E2F6: variants seen among roughly 807,000 people sequenced by gnomAD.
The protein encoded by E2F6 is E2F transcription factor 6.
Under a neutral mutation model 31.5 loss-of-function variants are expected in E2F6, and 19 were observed. The ratio of observed to expected loss-of-function variants is 0.60; its 90% confidence interval spans 0.42 to 0.89. The LOEUF (loss-of-function observed/expected upper bound fraction) is 0.89. Among genes scored for constraint, E2F6 ranks in the 40% least tolerant of loss-of-function variants. The pLI, the probability that E2F6 is intolerant of heterozygous loss-of-function variation, is 0.00. For synonymous variants in E2F6, 121 were observed against 127.7 expected (o/e 0.95, Z 0.36); for missense variants, 269 against 341.6 (o/e 0.79, Z 1.67).
intron 1 of E2F6, among the ~76,000 whole-genome samples, chr2:11,461,327 TAA>T (rs1671766289): frequency 6.6e-6 from 1 of 152,206 alleles, no homozygotes; most frequent in African/African-American, 2.4e-5. Flanking sequence ...TCTGTGAGGC[TAA>T]GAGAGTTCAA....
rs1355235081 is a variant in E2F6, at chr2:11,444,424, A to C, written c.*2053T>G. On this transcript the variant is annotated 3_prime_UTR_variant, in exon 7 of 7. Transcript: ENST00000381525. ...TTTATAACACACATCTGTAATTTAC[A>C]AAGGATTTTCGTTTACATGATCTCA... The C allele has an allele frequency of 6.6e-6, 1 of 152,216 alleles. No homozygotes were observed. Among genetic ancestry groups the C allele is most frequent in the Non-Finnish European group, 1.5e-5 (1 of 68,040 alleles). The allele number at this position is 152,216 out of a possible 1,614,324, so 9.4% of individuals were successfully genotyped here.
chr2:11,462,827 T>C (rs919964849), intron 1 of E2F6, among the ~76,000 whole-genome samples: 40 of 152,208 alleles, frequency 2.6e-4, no homozygotes, highest in African/African-American at 9.4e-4. Flanking sequence ...AGTTTAAAAC[T>C]AATGAATTAT....
intron 1 of E2F6, among the ~76,000 whole-genome samples, chr2:11,461,545 GTTTCACCACATTAGCCA>G (rs1671783654): frequency 6.6e-6 from 1 of 152,006 alleles, no homozygotes; most frequent in Admixed American, 6.6e-5. Flanking sequence ...TAGAAACGGG[GTTTCACCACATTAGCCA>G]GGCTGGTCTC....
chr2:11,456,553 T>A (rs569565273), intron 2 of E2F6, among the ~76,000 whole-genome samples: 1 of 152,306 alleles, frequency 6.6e-6, no homozygotes, highest in East Asian at 1.9e-4. Flanking sequence ...TTTTGAAAGG[T>A]CATTGTGACA....
At chr2:11,449,158 TA>T (rs1670905349) in intron 5 of E2F6, among the ~76,000 whole-genome samples, 1 of 152,214 alleles carries the variant, frequency 6.6e-6, no homozygotes, top group Admixed American at 6.5e-5. Context: ...GGCAGTTTCT[TA>T]AAAATAAAAC....
At chr2:11,464,459 G>A (rs1332224934) in intron 1 of E2F6, among the ~76,000 whole-genome samples, 1 of 146,350 alleles carries the variant, frequency 6.8e-6, no homozygotes, top group Non-Finnish European at 1.5e-5. Flanking sequence ...GGAGCTTGCA[G>A]TGAACCGAGA....
In E2F6 at chr2:11,447,696, T is replaced by C. The variant is rs554030188; in HGVS notation, c.730A>G (p.Ser244Gly). 1.9e-5 allele frequency: 31 copies of C among 1,612,018 alleles called. No homozygotes were observed. The highest frequency in any genetic ancestry group is 2.5e-5 in the Non-Finnish European group (29 of 1,179,954). Residue 244 changes from serine (S) to glycine (G), a missense_variant, in exon 6 of 7, where the codon AGT becomes GGT. Ser to Gly is a moderately conservative substitution (Grantham distance 56). Coordinates refer to ENST00000381525, the MANE Select transcript of E2F6 (RefSeq NM_198256.4). ...YLCEVEQGQT[S>G]NKRSEGVGTS... is the part of the protein sequence containing the mutation. ...CCGACACCTTCAGACCTTTTGTTAC[T>C]GGTCTGACCCTGCTCCACTTCACAC...
intron 1 of E2F6, among the ~76,000 whole-genome samples, chr2:11,459,546 C>A (rs1305931614): frequency 1.3e-5 from 2 of 152,038 alleles, no homozygotes; most frequent in Non-Finnish European, 2.9e-5. Flanking sequence ...ACAACAGTAC[C>A]ATTGCCCCTC....
At chr2:11,463,998 T>A (rs532047163) in intron 1 of E2F6, among the ~76,000 whole-genome samples, 1 of 124,102 alleles carries the variant, frequency 8.1e-6, no homozygotes, top group Admixed American at 9.2e-5. Context: ...CATGAAGGAA[T>A]GGGAAGAGGA....
chr2:11,448,448 C>A (rs192068870), intron 5 of E2F6, among the ~76,000 whole-genome samples: 3 of 152,282 alleles, frequency 2.0e-5, no homozygotes, highest in African/African-American at 7.2e-5. Flanking sequence ...CCCTTTAATG[C>A]AGTTAGGCCT....
At chr2:11,455,964 G>A (rs1456884724) in intron 2 of E2F6, among the ~76,000 whole-genome samples, 1 of 152,128 alleles carries the variant, frequency 6.6e-6, no homozygotes, top group East Asian at 1.9e-4. Context: ...CTGAAGTGAG[G>A]GAGAGGAAAC....
At position 11,455,451 on chromosome 2, in the gene E2F6, T is replaced by C. The variant is rs1370820392; in HGVS notation, c.164-1653A>G. ...GTACATATTTCATAATATAAATGTC[T>C]TCTCTCTGGAGCCCATTCCTACACT... On this transcript the variant is annotated intron_variant, in intron 2 of 6. Transcript: ENST00000381525. 3 of 1,295,832 alleles carry C rather than the reference T, an allele frequency of 2.3e-6. No homozygotes were observed. The South Asian group carries it at 3.8e-5, about 16-fold the overall frequency. 80.3% of individuals were successfully genotyped at this position (1,295,832 alleles called of 1,614,324 possible).
chr2:11,458,118 A>G (rs1448130788), intron 1 of E2F6, among the ~76,000 whole-genome samples: 1 of 152,230 alleles, frequency 6.6e-6, no homozygotes, highest in African/African-American at 2.4e-5. Context: ...AGAAACTCCT[A>G]GTAACATCAA....
Position 11,463,948 on chromosome 2 carries a change from CG to C in E2F6, c.108+1823del, listed in dbSNP as rs143314262. On this transcript the variant is annotated intron_variant, in intron 1 of 6. Transcript: ENST00000381525. ...AGGGTGACAGAGTGAGATCCTGCACCGGGGGGGGGGACAAAAACAAAAACAG... is the reference window on the plus strand; with the variant it reads ...AGGGTGACAGAGTGAGATCCTGCACCGGGGGGGGGACAAAAACAAAAACAG... Among the ~76,000 whole-genome samples the C allele has an allele frequency of 2.8e-3, 203 of 71,604 alleles. 23 individuals carry two copies. Among genetic ancestry groups the C allele is most frequent in the African/African-American group, 6.0e-3 (123 of 20,500 alleles). The allele number at this position is 71,604 out of a possible 152,430, so 47.0% of individuals were successfully genotyped here.
At chr2:11,453,232 T>G (rs1671183071) in intron 3 of E2F6, among the ~76,000 whole-genome samples, 2 of 152,124 alleles carry the variant, frequency 1.3e-5, no homozygotes, top group Admixed American at 6.6e-5. Flanking sequence ...CATAATCTCC[T>G]GGGCTACCTG....
At chr2:11,453,084 T>C (rs945793495) in intron 3 of E2F6, among the ~76,000 whole-genome samples, 1 of 152,242 alleles carries the variant, frequency 6.6e-6, no homozygotes. Flanking sequence ...GATACCTTTA[T>C]CTATGTCAAT....
At chr2:11,449,970 T>A (rs752332396) in intron 5 of E2F6, 42 bp downstream of exon 5, 10 of 1,506,586 alleles carry the variant, frequency 6.6e-6, no homozygotes, top group Non-Finnish European at 9.2e-6. Flanking sequence ...CAGTCGGCCC[T>A]CATCCCTCTT....
intron 1 of E2F6, among the ~76,000 whole-genome samples, chr2:11,458,778 T>A (rs1008873662): frequency 1.3e-5 from 2 of 152,154 alleles, no homozygotes; most frequent in Admixed American, 6.5e-5. Flanking sequence ...ATCACCCCAA[T>A]ATGGAATACT....
At chr2:11,459,397 T>C (rs1671621778) in intron 1 of E2F6, among the ~76,000 whole-genome samples, 1 of 152,240 alleles carries the variant, frequency 6.6e-6, no homozygotes, top group South Asian at 2.1e-4. Context: ...AAGATGGCTT[T>C]GTTTTCCCCA....
Sources: allele counts gnomAD v4.1 joint callset (sites outside exome capture counted in the v4.1 genomes callset), GRCh38; gene constraint gnomAD v4.1.1; transcripts MANE v1.5; gene names NCBI Gene and HGNC (gene_info 2026-07-23, HGNC 2026-07-21).